The following DNAH5 variants were observed in gnomAD, a reference collection of about 807,000 sequenced individuals.
DNAH5 encodes the protein dynein axonemal heavy chain 5.
In DNAH5, 372 loss-of-function variants were observed where a neutral mutation model predicts 518.2. The ratio of observed to expected loss-of-function variants is 0.72; its 90% CI spans 0.66 to 0.78. The LOEUF (loss-of-function observed/expected upper bound fraction) is 0.78. Ranked by LOEUF, DNAH5 falls within the 30% of genes least tolerant of loss-of-function variation. The pLI is 0.00. For synonymous variants in DNAH5, 2,039 were observed against 2,025.9 expected (o/e 1.01, Z -0.17); for missense variants, 5,523 against 5,687.0 (o/e 0.97, Z 0.93).
At chr5:13,809,953 C>T (rs1487742140) in intron 45 of DNAH5, 106 bp downstream of exon 45, 2 of 1,161,468 alleles carry the variant, frequency 1.7e-6, no homozygotes, top group Non-Finnish European at 2.5e-6. Flanking sequence ...ATCTTACAGC[C>T]AATAATTATA....
At chr5:13,709,374 ATTTT>A (rs1743196765) in intron 75 of DNAH5, among the ~76,000 whole-genome samples, 1 of 151,958 alleles carries the variant, frequency 6.6e-6, no homozygotes, top group Admixed American at 6.6e-5. Context: ...AAAGATTTTT[ATTTT>A]TTTATTTTTT....
intron 66 of DNAH5, among the ~76,000 whole-genome samples, 176 bp downstream of exon 66, chr5:13,737,076 A>T (rs1457148009): frequency 6.6e-6 from 1 of 152,212 alleles, no homozygotes; most frequent in East Asian, 1.9e-4. Flanking sequence ...AATTTATACC[A>T]TTATAAAAAA....
rs1778076942 is a variant in DNAH5, at chr5:13,928,189, G to T, written c.193-11C>A. On this transcript the variant is annotated splice_polypyrimidine_tract_variant and intron_variant, in intron 2 of 78. Transcript: ENST00000265104. ...ATCAATTCTTTCAATCTGGGAAAAA[G>T]AAAAAGGCAAGATAATGATTTTCAA... 6.2e-7 allele frequency: 1 copy of T among 1,602,658 alleles called. No individual in the cohort carries two copies. Among genetic ancestry groups the T allele is most frequent in the African/African-American group, 1.3e-5 (1 of 74,712 alleles).
chr5:14,000,938 A>G (rs1784309153), intron 1 of DNAH5, among the ~76,000 whole-genome samples: 1 of 152,228 alleles, frequency 6.6e-6, no homozygotes, highest in Non-Finnish European at 1.5e-5. Flanking sequence ...TATGGTGCAT[A>G]CACTCCATGG....
At chr5:13,692,279 G>C (rs1740796100) in intron 78 of DNAH5, 144 bp from the exon 79 acceptor site, 1 of 914,492 alleles carries the variant, frequency 1.1e-6, no homozygotes, top group Non-Finnish European at 1.7e-6. Flanking sequence ...TCTGAGGTCA[G>C]GCAATTCCTA....
chr5:13,977,739 A>G (rs1782370851), intron 1 of DNAH5, among the ~76,000 whole-genome samples: 1 of 152,118 alleles, frequency 6.6e-6, no homozygotes, highest in Non-Finnish European at 1.5e-5. Flanking sequence ...CCCAAATGGG[A>G]TCCAACTGTA....
chr5:13,914,067 TA>T, intron 10 of DNAH5, 109 bp from the exon 11 acceptor site: 1 of 1,353,562 alleles, frequency 7.4e-7, no homozygotes. Context: ...AGCCTTTTCA[TA>T]GTTTCATGCC....
At chr5:13,976,982 T>C (rs1277758925) in intron 1 of DNAH5, among the ~76,000 whole-genome samples, 1 of 152,218 alleles carries the variant, frequency 6.6e-6, no homozygotes, top group Admixed American at 6.5e-5. Flanking sequence ...TTCAAATTTA[T>C]TTTGTCTCAA....
intron 1 of DNAH5, among the ~76,000 whole-genome samples, chr5:14,010,132 A>C (rs1284601302): frequency 6.6e-6 from 1 of 151,982 alleles, no homozygotes; most frequent in Non-Finnish European, 1.5e-5. Flanking sequence ...TACTTTTTTC[A>C]CTCATTAATT....
At chr5:13,735,637 T>C (rs887295874) in intron 67 of DNAH5, among the ~76,000 whole-genome samples, 181 bp downstream of exon 67, 1 of 152,198 alleles carries the variant, frequency 6.6e-6, no homozygotes, top group South Asian at 2.1e-4. Context: ...TTGGTAGAGT[T>C]TTCTCTGGGC....
chr5:13,754,145 C>G, intron 62 of DNAH5, 58 bp downstream of exon 62: 1 of 1,603,524 alleles, frequency 6.2e-7, no homozygotes, highest in Non-Finnish European at 8.5e-7. Context: ...AAAGTATAAG[C>G]TTTCGAATTC....
At chr5:13,778,586 GAAAGAAAGAA>G (rs775743621) in intron 53 of DNAH5, among the ~76,000 whole-genome samples, 1,971 of 78,274 alleles carry the variant, frequency 0.025, 61 homozygotes, top group African/African-American at 0.074. Flanking sequence ...AAGAAAGAAA[GAAAGAAAGAA>G]AGAGAGAGAG....
intron 22 of DNAH5, among the ~76,000 whole-genome samples, chr5:13,873,235 C>T (rs1271288205): frequency 6.6e-6 from 1 of 152,164 alleles, no homozygotes; most frequent in Non-Finnish European, 1.5e-5. Context: ...TCCACAATCT[C>T]TTCCTTTTCC....
chr5:13,920,376 G>T, intron 6 of DNAH5, 104 bp downstream of exon 6: 1 of 1,500,748 alleles, frequency 6.7e-7, no homozygotes, highest in Non-Finnish European at 9.2e-7. Context: ...AGGATTTACA[G>T]TAAAACGCTT....
At chr5:13,713,474 C>CA (rs1743892575) in intron 75 of DNAH5, among the ~76,000 whole-genome samples, 3 of 99,508 alleles carry the variant, frequency 3.0e-5, no homozygotes, top group African/African-American at 1.2e-4. Flanking sequence ...TATACACACA[C>CA]CGATATATAT....
chr5:13,774,228 G>A (rs1309233775), intron 55 of DNAH5, among the ~76,000 whole-genome samples: 2 of 152,118 alleles, frequency 1.3e-5, no homozygotes, highest in Non-Finnish European at 2.9e-5. Flanking sequence ...GCTTGGCCTA[G>A]GATGTCAGTG....
At chr5:13,946,310 C>T (rs1779912990), upstream of DNAH5, among the ~76,000 whole-genome samples, 1 of 152,128 alleles carries the variant, frequency 6.6e-6, no homozygotes, top group Admixed American at 6.5e-5. Flanking sequence ...GCAGGCATAA[C>T]CATGACTCCC....
Position 13,842,428 on chromosome 5 carries a change from AAAGAAAG to A in DNAH5, c.5272-531_5272-525del, listed in dbSNP as rs1276822720. Among the ~76,000 whole-genome samples, 5 of 47,684 alleles carry A rather than the reference AAAGAAAG, an allele frequency of 1.0e-4. No individual in the cohort carries two copies. In the South Asian group the frequency reaches 3.0e-3, roughly 28 times the overall value. The allele number at this position is 47,684 out of a possible 152,430, so 31.3% of individuals were successfully genotyped here. ...AGCGAGAAAGAAAAGAAAAGAAAAG[AAAGAAAG>A]AAAGAAAGAAAGAAAGAAAGAAAGA... On this transcript the variant is annotated intron_variant, in intron 32 of 78. Transcript: ENST00000265104.
At position 13,735,978 on chromosome 5, in the gene DNAH5, T is replaced by C. The variant is rs779391897; in HGVS notation, c.11456-46A>G. The C allele has an allele frequency of 1.2e-5, 18 of 1,458,842 alleles. No homozygotes were observed. In the South Asian group the frequency reaches 1.9e-4, roughly 16 times the overall value. The allele number at this position is 1,458,842 out of a possible 1,614,324, so 90.4% of individuals were successfully genotyped here. ...TTGCATGTGCTACGAGAGAGGAAAA[T>C]AAATGATCCATGCAAAGAGATCAGC... is the stretch of plus-strand genomic sequence containing the variant. On this transcript the variant is annotated intron_variant, in intron 66 of 78. Transcript: ENST00000265104.
Sources: gnomAD v4.1 joint callset for allele counts (sites outside exome capture counted in the v4.1 genomes callset) on GRCh38, gnomAD v4.1.1 for gene constraint, MANE v1.5 for transcripts, NCBI Gene and HGNC (gene_info 2026-07-23, HGNC 2026-07-21) for gene names.